CHST9: variants seen among roughly 807,000 people sequenced by gnomAD.
The protein encoded by CHST9 is carbohydrate sulfotransferase 9.
CHST9 carries 41 observed loss-of-function variants against 44.4 expected under a neutral mutation model. That is an observed-to-expected ratio of 0.92 (90% confidence interval 0.72 to 1.20). CHST9 has a LOEUF of 1.20. Ranked by LOEUF, CHST9 falls within the 50% of genes most tolerant of loss-of-function variation. The pLI, the probability that CHST9 is intolerant of heterozygous loss-of-function variation, is 0.00. For missense variants in CHST9, 504 were observed against 516.5 expected, an observed-to-expected ratio of 0.98 and a Z score of 0.23; for synonymous variants, 171 against 178.4, an observed-to-expected ratio of 0.96 and a Z score of 0.33.
intron 4 of CHST9, among the ~76,000 whole-genome samples, chr18:26,959,110 T>C (rs976874002): frequency 6.6e-6 from 1 of 152,144 alleles, no homozygotes; most frequent in African/African-American, 2.4e-5. Context: ...ATGTGGTACA[T>C]ATACACCATG....
intron 4 of CHST9, among the ~76,000 whole-genome samples, chr18:26,971,046 AC>A (rs1396498550): frequency 3.3e-5 from 5 of 151,938 alleles, no homozygotes; most frequent in Admixed American, 6.6e-5. Context: ...AGTGGCTTCC[AC>A]CCCTGAACTC....
chr18:27,048,414 G>A (rs1422785966), intron 3 of CHST9, 51 bp downstream of exon 3: 1 of 1,455,210 alleles, frequency 6.9e-7, no homozygotes. Context: ...AAATTTAAAG[G>A]TGGAAATAAA....
At chr18:27,162,431 T>C (rs1462155913) in intron 1 of CHST9, among the ~76,000 whole-genome samples, 4 of 152,206 alleles carry the variant, frequency 2.6e-5, no homozygotes, top group Admixed American at 6.5e-5. Context: ...ATGTTGAATA[T>C]TGGCCCCCAC....
chr18:26,959,864 T>C lies in CHST9; in HGVS notation c.203-15498A>G, dbSNP rs536911438. The stretch of plus-strand genomic sequence containing the variant: ...ACCCTAGGAAGATTAACCTTGAGGA[T>C]GGGGGATCCTGGCAAAGAGATGGAA... On this transcript the variant is annotated intron_variant, in intron 4 of 5. Transcript: ENST00000618847. 1.3e-3 allele frequency among the ~76,000 whole-genome samples: 201 copies of C among 152,182 alleles called. 1 individual carries two copies. The highest frequency in any genetic ancestry group is 4.6e-3 in the African/African-American group (190 of 41,534).
At chr18:27,071,734 A>G (rs2057842641) in intron 2 of CHST9, among the ~76,000 whole-genome samples, 2 of 152,360 alleles carry the variant, frequency 1.3e-5, no homozygotes, top group East Asian at 1.9e-4. Flanking sequence ...TGAACTGTGC[A>G]TTATTCATAT....
At chr18:27,091,141 T>C (rs1339542646) in intron 2 of CHST9, among the ~76,000 whole-genome samples, 1 of 152,206 alleles carries the variant, frequency 6.6e-6, no homozygotes, top group Non-Finnish European at 1.5e-5. Flanking sequence ...TTTGTAGTTC[T>C]CCTTGAAGAG....
intron 4 of CHST9, among the ~76,000 whole-genome samples, chr18:26,950,402 TAA>T (rs2056228167): frequency 6.6e-6 from 1 of 152,146 alleles, no homozygotes; most frequent in African/African-American, 2.4e-5. Flanking sequence ...TTTCATTATA[TAA>T]AAAAGACATA....
At chr18:26,938,613 A>G (rs559973365) in intron 5 of CHST9, among the ~76,000 whole-genome samples, 39 of 152,220 alleles carry the variant, frequency 2.6e-4, no homozygotes, top group Non-Finnish European at 5.4e-4. Context: ...ACTACACTGA[A>G]AAGTCATCAG....
At chr18:27,017,488 G>A (rs1192963424) in intron 4 of CHST9, among the ~76,000 whole-genome samples, 2 of 152,148 alleles carry the variant, frequency 1.3e-5, no homozygotes, top group African/African-American at 4.8e-5. Context: ...CATGTGAAAG[G>A]GGCCTTTACA....
intron 4 of CHST9, among the ~76,000 whole-genome samples, chr18:27,002,156 G>A (rs924205796): frequency 6.6e-6 from 1 of 151,804 alleles, no homozygotes; most frequent in Non-Finnish European, 1.5e-5. Context: ...CAATGTAAGT[G>A]AGCTTTCAGC....
At chr18:26,965,314 G>A (rs141647377) in intron 4 of CHST9, among the ~76,000 whole-genome samples, 188 of 152,272 alleles carry the variant, frequency 1.2e-3, no homozygotes, top group African/African-American at 4.2e-3. Flanking sequence ...ATTTCCACTT[G>A]CAGGAGCAGT....
At chr18:27,152,731 TAGATAG>T (rs896800126) in intron 1 of CHST9, among the ~76,000 whole-genome samples, 7 of 152,074 alleles carry the variant, frequency 4.6e-5, no homozygotes, top group African/African-American at 1.7e-4. Flanking sequence ...GAGACCAATG[TAGATAG>T]AGATAGAAGA....
intron 5 of CHST9, chr18:26,935,299 A>G (rs2055967969): frequency 6.6e-6 from 1 of 152,188 alleles, no homozygotes; most frequent in African/African-American, 2.4e-5. Context: ...GTTGATGAAC[A>G]TATTTCTAAG....
intron 2 of CHST9, among the ~76,000 whole-genome samples, chr18:27,066,455 GT>G (rs1055777701): frequency 6.6e-6 from 1 of 152,164 alleles, no homozygotes; most frequent in Non-Finnish European, 1.5e-5. Flanking sequence ...CTATGATTCT[GT>G]TTTTTAAATT....
intron 2 of CHST9, among the ~76,000 whole-genome samples, chr18:27,131,720 G>C (rs1392810610): frequency 6.6e-6 from 1 of 152,042 alleles, no homozygotes; most frequent in Admixed American, 6.5e-5. Flanking sequence ...GACTTTTTGT[G>C]GCAATAGGTA....
At chr18:27,068,275 CT>C (rs1189068270) in intron 2 of CHST9, among the ~76,000 whole-genome samples, 5 of 151,832 alleles carry the variant, frequency 3.3e-5, no homozygotes, top group African/African-American at 9.7e-5. Context: ...ACCATATGTC[CT>C]TTTTTTCATA....
rs190465530 is a variant in CHST9, at chr18:27,133,048, C to A, written c.121+9641G>T. Among the ~76,000 whole-genome samples, 174 of 152,268 alleles carry A rather than the reference C, an allele frequency of 1.1e-3. 3 individuals carry two copies. In the East Asian group the frequency reaches 0.021, roughly 18 times the overall value. ...CCCAGAAAGGGAATCACTGGCCAGG[C>A]TTGGATTAGCCTCCCATCCCCTGGA... On this transcript the variant is annotated intron_variant, in intron 2 of 5. Transcript: ENST00000618847.
intron 3 of CHST9, among the ~76,000 whole-genome samples, chr18:27,031,124 T>C (rs1213134889): frequency 1.3e-5 from 2 of 152,212 alleles, no homozygotes; most frequent in East Asian, 3.9e-4. Flanking sequence ...ACTATTTCTC[T>C]CTCTCAATTA....
chr18:27,021,366 C>T (rs1407159640), intron 4 of CHST9, among the ~76,000 whole-genome samples: 1 of 152,154 alleles, frequency 6.6e-6, no homozygotes, highest in Non-Finnish European at 1.5e-5. Context: ...GCTGCGGACT[C>T]TGAATAGAAA....
Sources: allele counts gnomAD v4.1 joint callset (sites outside exome capture counted in the v4.1 genomes callset), GRCh38; gene constraint gnomAD v4.1.1; transcripts MANE v1.5; gene names NCBI Gene and HGNC (gene_info 2026-07-23, HGNC 2026-07-21).